The following CIITA variants were observed in gnomAD, a reference collection of about 807,000 sequenced individuals.
CIITA encodes class II major histocompatibility complex transactivator.
Under a neutral mutation model 115.1 loss-of-function variants are expected in CIITA, and 72 were observed. That is an observed-to-expected ratio of 0.63 (90% CI 0.52 to 0.76). The LOEUF is 0.76. Among genes scored for constraint, CIITA ranks in the 30% least tolerant of loss-of-function variants. The pLI is 0.00. For missense variants in CIITA, 1,617 were observed against 1,463.8 expected, an observed-to-expected ratio of 1.10 and a Z score of -1.71; for synonymous variants, 763 against 635.6, an observed-to-expected ratio of 1.20 and a Z score of -3.02.
Position 10,935,923 on chromosome 16 carries a change from G to C in CIITA, c.*12068G>C, listed in dbSNP as rs2041005079. 1 of 152,062 alleles carries C rather than the reference G, an allele frequency of 6.6e-6. No homozygotes were observed. Among genetic ancestry groups the C allele is most frequent in the South Asian group, 2.1e-4 (1 of 4,826 alleles). The allele number at this position is 152,062 out of a possible 1,614,324, so 9.4% of individuals were successfully genotyped here. ...AAGGCTCGAGATTAATGCAAAAGCT[G>C]ATCTGGGATTGCATCTTGGACCTCA... is the stretch of plus-strand genomic sequence containing the variant. On this transcript the variant is annotated 3_prime_UTR_variant, in exon 20 of 20. Coordinates refer to ENST00000324288, the MANE Select transcript of CIITA (RefSeq NM_000246.4).
At chr16:10,915,435 G>A (rs112237585) in intron 13 of CIITA, 135 bp from the exon 14 acceptor site, 1 of 736,084 alleles carries the variant, frequency 1.4e-6, no homozygotes, top group Non-Finnish European at 2.4e-6. Flanking sequence ...AGGGACCTAA[G>A]AGGCTGGGGT....
At chr16:10,916,095 G>T (rs1348067004) in intron 14 of CIITA, among the ~76,000 whole-genome samples, 1 of 152,254 alleles carries the variant, frequency 6.6e-6, no homozygotes, top group African/African-American at 2.4e-5. Context: ...GGTTAAGGAA[G>T]TTGCCAAGCC....
Position 10,922,331 on chromosome 16 carries a change from C to T in CIITA, c.3234-76C>T. 5.0e-6 allele frequency: 8 copies of T among 1,606,268 alleles called. No homozygotes were observed. The South Asian group carries it at 8.8e-5, about 18-fold the overall frequency. On this transcript the variant is annotated intron_variant, in intron 17 of 19. Coordinates refer to ENST00000324288, the MANE Select transcript of CIITA (RefSeq NM_000246.4). ...GTCTCTCCCTGGTGTCCTGGAAGAG[C>T]TGGATGTGGGGGTGGCCTTGGTCTG...
rs1455360364 is a variant in CIITA, at chr16:10,901,070, G to T, written c.437-444G>T. ...CAGTCCCTTGCTAAGGGACACGTGG[G>T]TTTTTAATCTGTTGCTGTGAGTGCT... On this transcript the variant is annotated intron_variant, in intron 5 of 19. Transcript: ENST00000324288. The surrounding 1 kb of genome is among the most constrained non-coding windows in gnomAD (Gnocchi z 6.8). Among the ~76,000 whole-genome samples, 2 of 152,132 alleles carry T rather than the reference G, an allele frequency of 1.3e-5. No homozygotes were observed. Among genetic ancestry groups the T allele is most frequent in the African/African-American group, 4.8e-5 (2 of 41,418 alleles).
chr16:10,909,054 C>T lies in CIITA; in HGVS notation c.2683C>T (p.Leu895=), dbSNP rs776323785. 1.4e-5 allele frequency: 22 copies of T among 1,614,070 alleles called. No individual in the cohort carries two copies. Among genetic ancestry groups the T allele is most frequent in the Non-Finnish European group, 1.7e-5 (20 of 1,180,044 alleles). The stretch of plus-strand genomic sequence containing the variant: ...GGCTGCCTTGAGCGACACGGTGGCG[C>T]TGTGGGAGTCCCTGCAGCAGCATGG... The part of the protein sequence containing the change: ...FRAALSDTVA[L]WESLQQHGET... Residue 895 remains leucine (L), a synonymous_variant, in exon 12 of 20, where the codon CTG becomes TTG. Coordinates refer to ENST00000324288, the MANE Select transcript of CIITA (RefSeq NM_000246.4).
chr16:10,886,493 C>T (rs1258353194), intron 1 of CIITA, among the ~76,000 whole-genome samples: 1 of 152,108 alleles, frequency 6.6e-6, no homozygotes, highest in East Asian at 1.9e-4. Context: ...GATATATAGA[C>T]CCAAGAGCTG....
rs1347362131 is a variant in CIITA at position 10,935,430 on chromosome 16, G to T, written c.*11575G>T. ...GTGACTTTAGCTGGCTTTGGTATTT[G>T]GCCAAAAGTTAATGACTTTGGCAGT... On this transcript the variant is annotated 3_prime_UTR_variant, in exon 20 of 20. Transcript: ENST00000324288. The T allele has an allele frequency of 6.6e-6, 1 of 152,166 alleles. No homozygotes were observed. Among genetic ancestry groups the T allele is most frequent in the Non-Finnish European group, 1.5e-5 (1 of 68,024 alleles). 9.4% of individuals were successfully genotyped at this position (152,166 alleles called of 1,614,324 possible).
downstream of CIITA, chr16:10,938,244 G>C (rs2040330771): frequency 6.6e-6 from 1 of 152,080 alleles, no homozygotes. The surrounding 1 kb of genome is among the most constrained non-coding windows in gnomAD (Gnocchi z 4.9). Context: ...GCATGCCCAA[G>C]GTCACAGCTA....
intron 13 of CIITA, among the ~76,000 whole-genome samples, chr16:10,914,660 G>A (rs1474536847): frequency 6.6e-6 from 1 of 152,146 alleles, no homozygotes; most frequent in Non-Finnish European, 1.5e-5. Flanking sequence ...TGCTCTAAAT[G>A]TTGATCCAGG....
rs1021930842 is a variant in CIITA at position 10,915,561 on chromosome 16, G to A, written c.2889-9G>A. 3.1e-6 allele frequency: 5 copies of A among 1,612,838 alleles called. No individual in the cohort carries two copies. Among genetic ancestry groups the A allele is most frequent in the Non-Finnish European group, 4.2e-6 (5 of 1,179,028 alleles). ...ACTGGAGGTCTTACCCTTGCTCTTT[G>A]CCTCCTAGGCTGGGCCCTGTCTCAG... On this transcript the variant is annotated splice_polypyrimidine_tract_variant and intron_variant, in intron 13 of 19. Transcript: ENST00000324288.
At chr16:10,913,941 A>AT (rs2039768127) in intron 13 of CIITA, among the ~76,000 whole-genome samples, 1 of 95,848 alleles carries the variant, frequency 1.0e-5, no homozygotes, top group African/African-American at 3.7e-5. Context: ...ACCCCATCTC[A>AT]AAAATAAATA....
Position 10,909,179 on chromosome 16 carries a change from G to C in CIITA, c.2808G>C (p.Gln936His). The change falls in exon 12 of 20, where the codon CAG becomes CAC. Residue 936 changes from glutamine to histidine, a missense_variant. Physicochemically the swap from Gln to His is conservative, Grantham distance 24. Transcript: ENST00000324288. ...KDVEDLGKLV[Q>H]TQRTRSSSED... ...TGGAAGACCTGGGAAAGCTTGTGCA[G>C]ACTCAGAGGTGAGAGGAGAGGCGGA... The C allele has an allele frequency of 3.1e-6, 5 of 1,614,196 alleles. No homozygotes were observed. The highest frequency in any genetic ancestry group is 4.2e-6 in the Non-Finnish European group (5 of 1,180,040).
intron 10 of CIITA, among the ~76,000 whole-genome samples, chr16:10,905,282 G>C (rs920581634): frequency 2.6e-5 from 4 of 152,188 alleles, no homozygotes; most frequent in Non-Finnish European, 4.4e-5. Flanking sequence ...TTTTCCAGAT[G>C]AGGCTACTGA....
At chr16:10,914,930 G>A in intron 13 of CIITA, 1 of 369,058 alleles carries the variant, frequency 2.7e-6, no homozygotes, top group South Asian at 2.1e-5. Context: ...CCCTTCCCCA[G>A]GCTGCGGCGG....
At position 10,917,531 on chromosome 16, in the gene CIITA, G is replaced by C. The variant is rs1376998638; in HGVS notation, c.3063-909G>C. On this transcript the variant is annotated intron_variant, in intron 15 of 19. Transcript: ENST00000324288. ...GAGTCTCGCTCTGTAGCCCAGGCTG[G>C]AGTGCAGTGGTACGATCTATTTATT... is the stretch of plus-strand genomic sequence containing the variant. Among the ~76,000 whole-genome samples, 3 of 149,672 alleles carry C rather than the reference G, an allele frequency of 2.0e-5. No individual in the cohort carries two copies. The East Asian group carries it at 5.9e-4, about 30-fold the overall frequency.
intron 5 of CIITA, among the ~76,000 whole-genome samples, chr16:10,900,650 G>C (rs946548826): frequency 1.3e-5 from 2 of 151,652 alleles, no homozygotes; most frequent in African/African-American, 4.9e-5. Context: ...TAGGGTGGGA[G>C]AATCGCTTGA....
chr16:10,891,976 G>A (rs2037634805), intron 1 of CIITA, among the ~76,000 whole-genome samples: 1 of 152,144 alleles, frequency 6.6e-6, no homozygotes, highest in African/African-American at 2.4e-5. Context: ...TGACATCCGG[G>A]GGTCTGTGCT....
chr16:10,916,746 A>G (rs2039974573), intron 15 of CIITA: 2 of 480,594 alleles, frequency 4.2e-6, no homozygotes, highest in East Asian at 7.3e-5. Context: ...TCATCCTTCC[A>G]TTCAATGATT....
downstream of CIITA, chr16:10,938,643 C>T (rs899816522): frequency 6.6e-6 from 1 of 152,218 alleles, no homozygotes; most frequent in East Asian, 1.9e-4. This position sits in a 1 kb window ranked among gnomAD's most constrained non-coding sequence, Gnocchi z 4.9. Context: ...CCCTCTCATA[C>T]CCTGGGGTTC....
Sources: allele counts gnomAD v4.1 joint callset (sites outside exome capture counted in the v4.1 genomes callset), GRCh38; gene constraint gnomAD v4.1.1; non-coding constraint Gnocchi (gnomAD v3.1); transcripts MANE v1.5; gene names NCBI Gene and HGNC (gene_info 2026-07-23, HGNC 2026-07-21).